MACF1: variants seen among roughly 807,000 people sequenced by gnomAD.
MACF1 encodes microtubule actin crosslinking factor 1.
In MACF1, 193 loss-of-function variants were observed where a neutral mutation model predicts 854.8. The ratio of observed to expected loss-of-function variants is 0.23; its 90% CI spans 0.20 to 0.25. The LOEUF is 0.25. Ranked by LOEUF, MACF1 falls within the 10% of genes least tolerant of loss-of-function variation. The pLI is 1.00. For missense variants in MACF1, 7,722 were observed against 8,929.1 expected (o/e 0.86, Z 5.45); for synonymous variants, 3,185 against 3,226.7 (o/e 0.99, Z 0.44).
chr1:39,380,562 C>G (rs1424860588), intron 55 of MACF1, among the ~76,000 whole-genome samples, 189 bp downstream of exon 55: 3 of 152,132 alleles, frequency 2.0e-5, no homozygotes, highest in Non-Finnish European at 4.4e-5. Flanking sequence ...CTCAAAAAGT[C>G]AGAAGTTTGG....
rs547745127 is a variant in MACF1 at position 39,346,068 on chromosome 1, G to GAAA, written c.10582-898_10582-896dup. ...TGGGCAACAGAGCAAGACTCTGTTTGAAAAAAAAAAAAAGGCCAGGCATGG... is the reference window on the plus strand; with the variant it reads ...TGGGCAACAGAGCAAGACTCTGTTTGAAAAAAAAAAAAAAAAGGCCAGGCATGG... On this transcript the variant is annotated intron_variant, in intron 40 of 100. Transcript: ENST00000564288. Among the ~76,000 whole-genome samples the GAAA allele has an allele frequency of 1.1e-4, 13 of 121,472 alleles. No individual in the cohort carries two copies. The East Asian group carries it at 2.9e-3, about 27-fold the overall frequency. 79.7% of individuals were successfully genotyped at this position (121,472 alleles called of 152,430 possible). A position where few individuals can be genotyped will look rare whatever the true frequency, so the allele number is the denominator to read the frequency against.
intron 25 of MACF1, 31 bp downstream of exon 25, chr1:39,310,459 A>G: frequency 1.3e-6 from 2 of 1,593,582 alleles, no homozygotes; most frequent in Non-Finnish European, 8.6e-7. Flanking sequence ...GAAAGAGAAT[A>G]GTAGAATGAG....
intron 2 of MACF1, among the ~76,000 whole-genome samples, chr1:39,130,911 G>C (rs1642983074): frequency 6.7e-6 from 1 of 149,968 alleles, no homozygotes; most frequent in East Asian, 2.0e-4. Flanking sequence ...GTGTGATCTC[G>C]GCTCACTGCA....
At chr1:39,412,374 TGTG>T (rs747185933) in intron 58 of MACF1, 26 of 1,614,024 alleles carry the variant, frequency 1.6e-5, no homozygotes, top group East Asian at 2.2e-5. Context: ...CAATGGGAAA[TGTG>T]GTCACTTGTG....
chr1:39,309,581 C>G lies in MACF1; in HGVS notation c.2801C>G (p.Ser934Cys), dbSNP rs1646258523. The G allele has an allele frequency of 1.2e-6, 2 of 1,614,032 alleles. No homozygotes were observed. The highest frequency in any genetic ancestry group is 2.2e-5 in the South Asian group (2 of 91,076). Residue 934 changes from serine (S) to cysteine (C), a missense_variant, in exon 24 of 101, where the codon TCT (serine) becomes TGT (cysteine). Ser to Cys is a moderately radical substitution (Grantham distance 112, BLOSUM62 -1). Around this residue, in one of 15 missense-constraint regions of MACF1, gnomAD observed 1,137 missense variants for 1,263.0 expected, o/e 0.90. Coordinates refer to ENST00000564288, the MANE Select transcript of MACF1 (RefSeq NM_001394062.1). ...AIEMASRVEQ[S>C]YQKVMALWHQ... ...TGTGTTATTTCTAGGGTCGAACAAT[C>G]TTATCAGAAGGTTATGGCCCTTTGG... is the stretch of plus-strand genomic sequence containing the variant.
intron 58 of MACF1, chr1:39,414,136 G>A (rs1643176753): frequency 6.2e-7 from 1 of 1,609,496 alleles, no homozygotes; most frequent in African/African-American, 1.3e-5. Context: ...GTCCAACCTA[G>A]AGGAGCCCGC....
At chr1:39,442,080 G>A in intron 75 of MACF1, 27 bp downstream of exon 75, 1 of 1,598,156 alleles carries the variant, frequency 6.3e-7, no homozygotes. Context: ...GGCTTTTGAA[G>A]AAGAATTGTT....
intron 2 of MACF1, among the ~76,000 whole-genome samples, chr1:39,243,854 T>G (rs975756400): frequency 6.6e-5 from 10 of 152,130 alleles, no homozygotes; most frequent in Admixed American, 5.2e-4. Context: ...TGTGTGATTT[T>G]GGGGATGTTA....
rs530376238 is a variant in MACF1, at chr1:39,099,485, A to G, written c.220+15047A>G. Among the ~76,000 whole-genome samples the G allele has an allele frequency of 4.6e-5, 7 of 152,320 alleles. 1 individual carries two copies. The South Asian group carries it at 1.2e-3, about 27-fold the overall frequency. On this transcript the variant is annotated intron_variant, in intron 2 of 93. Transcript: ENST00000361689. ...GAATTTCTTTATAAAGCATCAGTTAACACATAAAATAATGCAGCATGAACC... is the reference window on the plus strand; with the variant it reads ...GAATTTCTTTATAAAGCATCAGTTAGCACATAAAATAATGCAGCATGAACC...
chr1:39,386,147 A>G (rs1316016653), intron 57 of MACF1, among the ~76,000 whole-genome samples: 1 of 152,210 alleles, frequency 6.6e-6, no homozygotes, highest in Non-Finnish European at 1.5e-5. Context: ...ATAGTCCTAA[A>G]GATAAAAGCT....
chr1:39,403,850 C>T (rs927394218), intron 58 of MACF1, among the ~76,000 whole-genome samples: 1 of 149,726 alleles, frequency 6.7e-6, no homozygotes, highest in African/African-American at 2.4e-5. Flanking sequence ...GCGGGGGGGC[C>T]GGGCTTCGTG....
At chr1:39,191,199 CTTTTTTT>C (rs10708375) in intron 2 of MACF1, among the ~76,000 whole-genome samples, 1 of 135,482 alleles carries the variant, frequency 7.4e-6, no homozygotes, top group African/African-American at 2.7e-5. Context: ...TTCTTTCTTT[CTTTTTTT>C]TTTTTTTTTT....
chr1:39,438,062 T>C (rs879037793), intron 71 of MACF1, 54 bp downstream of exon 71: 5 of 1,503,828 alleles, frequency 3.3e-6, no homozygotes, highest in Non-Finnish European at 4.6e-6. Flanking sequence ...TTCTAGGCTG[T>C]GGTTATCTTC....
rs1438352688 is a variant in MACF1 at position 39,332,412 on chromosome 1, G to A, written c.5824G>A (p.Gly1942Arg). The A allele has an allele frequency of 6.2e-7, 1 of 1,613,870 alleles. No homozygotes were observed. The highest frequency in any genetic ancestry group is 1.3e-5 in the African/African-American group (1 of 74,886). The change falls in exon 37 of 101, where the codon GGA becomes AGA. Residue 1942 changes from glycine (G) to arginine (R), a missense_variant. Gly to Arg is a moderately radical substitution (Grantham distance 125, BLOSUM62 -2). This residue lies in a region of MACF1 where 1,531 missense variants were observed against 1,601.6 expected (regional missense o/e 0.96). Transcript: ENST00000564288. ...ADSAEQNINP[G>R]AAVLPCSKSH... Reference sequence around the variant, plus strand: ...CTCTGCAGAACAAAATATTAATCCTGGAGCAGCAGTTCTACCGTGCAGCAA... The same window carrying A: ...CTCTGCAGAACAAAATATTAATCCTAGAGCAGCAGTTCTACCGTGCAGCAA...
intron 70 of MACF1, among the ~76,000 whole-genome samples, chr1:39,437,314 C>CTT (rs1196478574): frequency 2.8e-4 from 37 of 132,116 alleles, no homozygotes; most frequent in Non-Finnish European, 4.3e-4. Flanking sequence ...TTTTCTTTTT[C>CTT]TTTTTTTTTT....
At chr1:39,408,924 C>CCGCCCCCGCCG (rs1483174839) in intron 58 of MACF1, among the ~76,000 whole-genome samples, 2 of 151,712 alleles carry the variant, frequency 1.3e-5, no homozygotes, top group African/African-American at 4.9e-5. Flanking sequence ...CTCCTCTCCC[C>CCGCCCCCGCCG]GGCCCCGCCC....
At chr1:39,289,363 C>A (rs900785633) in intron 15 of MACF1, among the ~76,000 whole-genome samples, 6 of 152,188 alleles carry the variant, frequency 3.9e-5, no homozygotes, top group East Asian at 1.9e-4. Flanking sequence ...CAACAGCATA[C>A]GAGGCTTCCG....
rs751045356 is a variant in MACF1, at chr1:39,350,846, A to C, written c.11027A>C (p.Glu3676Ala). ...TTTGCCACTGTTGTCAAGGACATTGAGGGGTTCATGGAAGAGAATCAGACC... is the reference window on the plus strand; with the variant it reads ...TTTGCCACTGTTGTCAAGGACATTGCGGGGTTCATGGAAGAGAATCAGACC... Reference protein sequence around the residue: ...TSFATVVKDIEGFMEENQTKL... With the variant: ...TSFATVVKDIAGFMEENQTKL... Residue 3676 changes from glutamate (E) to alanine (A), a missense_variant, in exon 43 of 101, where the codon GAG (glutamate) becomes GCG (alanine). By Grantham distance (107) the Glu-to-Ala change is moderately radical. Around this residue, in one of 15 missense-constraint regions of MACF1, gnomAD observed 2,807 missense variants for 3,235.8 expected, o/e 0.87. Coordinates refer to ENST00000564288, the MANE Select transcript of MACF1 (RefSeq NM_001394062.1). The C allele has an allele frequency of 6.3e-5, 102 of 1,613,918 alleles. No homozygotes were observed. Among genetic ancestry groups the C allele is most frequent in the Non-Finnish European group, 8.4e-5 (99 of 1,179,970 alleles).
chr1:39,211,952 T>C (rs970733355), intron 1 of MACF1, among the ~76,000 whole-genome samples: 5 of 142,688 alleles, frequency 3.5e-5, no homozygotes, highest in Non-Finnish European at 7.4e-5. Context: ...GATCACTGTT[T>C]TATACGTTAA....
Sources: allele counts gnomAD v4.1 joint callset (sites outside exome capture counted in the v4.1 genomes callset), GRCh38; gene constraint gnomAD v4.1.1; regional missense constraint gnomAD v4.1.1; transcripts MANE v1.5; gene names NCBI Gene and HGNC (gene_info 2026-07-23, HGNC 2026-07-21).